Variants in TRIM16 observed in about 807,000 individuals in gnomAD.
TRIM16 encodes the protein tripartite motif-containing protein 16.
TRIM16 carries 33 observed loss-of-function variants against 50.4 expected under a neutral mutation model. The observed-to-expected ratio is 0.65, with a 90% CI of 0.50 to 0.88. The LOEUF is 0.88. Among genes scored for constraint, TRIM16 ranks in the 40% least tolerant of loss-of-function variants. The pLI is 0.00. For missense variants in TRIM16, 581 were observed against 686.8 expected, an observed-to-expected ratio of 0.85 and a Z score of 1.72; for synonymous variants, 229 against 270.7, an observed-to-expected ratio of 0.85 and a Z score of 1.51.
chr17:15,669,361 T>A (rs2654382), intron 6 of TRIM16, among the ~76,000 whole-genome samples: 12 of 152,030 alleles, frequency 7.9e-5, no homozygotes, highest in African/African-American at 2.9e-4. Flanking sequence ...TGCATCCATT[T>A]AAAAAAATGA....
chr17:15,645,549 G>A (rs1987327456), intron 7 of TRIM16, among the ~76,000 whole-genome samples: 3 of 151,318 alleles, frequency 2.0e-5, no homozygotes, highest in Admixed American at 2.0e-4. Context: ...ACTTCCACAA[G>A]GGCAATATAC....
Position 15,651,142 on chromosome 17 carries a change from C to T in TRIM16, c.468G>A (p.Glu156=), listed in dbSNP as rs61741220. The change falls in exon 7 of 12, where the codon GAG becomes GAA. Residue 156 remains glutamate, a synonymous_variant. Transcript: ENST00000649191. ...QQCICQDCCQ[E]HSGHTIVSLD... ...GGGAGACTATGGTGTGGCCACTGTG[C>T]TCCTGGCAACAGTCCTGGCAGATGC... 9,965 of 1,614,102 alleles carry T rather than the reference C, an allele frequency of 6.2e-3. 55 individuals are homozygous for T. Among genetic ancestry groups the T allele is most frequent in the Middle Eastern group, 0.03 (181 of 6,044 alleles).
Position 15,635,076 on chromosome 17 carries a change from T to C in TRIM16, c.849+960A>G, listed in dbSNP as rs1986663978. Among the ~76,000 whole-genome samples, 2 of 148,402 alleles carry C rather than the reference T, an allele frequency of 1.3e-5. 1 individual carries two copies. The highest frequency in any genetic ancestry group is 3.0e-5 in the Non-Finnish European group (2 of 66,992). ...ACTTGTGTAAGGATTATGGATTTTT[T>C]TTCTTCTTTTTTTGTACTTTCCAAG... On this transcript the variant is annotated intron_variant, in intron 9 of 11. Transcript: ENST00000649191.
intron 6 of TRIM16, among the ~76,000 whole-genome samples, chr17:15,657,003 C>T (rs547534244): frequency 1.3e-5 from 2 of 151,488 alleles, no homozygotes; most frequent in South Asian, 4.2e-4. Context: ...TGGGCTCATG[C>T]AATCCTCCCT....
chr17:15,633,451 T>C (rs560636822), intron 9 of TRIM16, among the ~76,000 whole-genome samples: 1 of 150,450 alleles, frequency 6.6e-6, no homozygotes, highest in South Asian at 2.1e-4. Context: ...GGATAAGTTA[T>C]TCGGATAAGT....
chr17:15,628,773 A>G lies in TRIM16; in HGVS notation c.1537T>C (p.Tyr513His). 1 of 1,614,054 alleles carries G rather than the reference A, an allele frequency of 6.2e-7. No individual in the cohort carries two copies. ...GGILSFYGVEYDTMTLVHKFA... is the reference protein window; with the variant it reads ...GGILSFYGVEHDTMTLVHKFA... Reference sequence around the variant, plus strand: ...TTGTGAACCAGAGTCATGGTATCATACTCTACGCCATAGAAGGAAAGGATC... The same window carrying G: ...TTGTGAACCAGAGTCATGGTATCATGCTCTACGCCATAGAAGGAAAGGATC... Residue 513 changes from tyrosine (Y) to histidine (H), a missense_variant, in exon 12 of 12, where the codon TAT (tyrosine) becomes CAT (histidine). Tyr to His is a moderately conservative substitution (Grantham distance 83, BLOSUM62 2). Coordinates refer to ENST00000649191, the MANE Select transcript of TRIM16 (RefSeq NM_001348119.1).
intron 10 of TRIM16, 67 bp downstream of exon 10, chr17:15,632,442 C>G: frequency 6.7e-7 from 1 of 1,487,238 alleles, no homozygotes; most frequent in Non-Finnish European, 9.0e-7. Flanking sequence ...CTGACTCTCT[C>G]TCACCTTCCT....
intron 6 of TRIM16, among the ~76,000 whole-genome samples, chr17:15,659,949 G>A (rs1178031730): frequency 6.6e-6 from 1 of 152,004 alleles, no homozygotes; most frequent in African/African-American, 2.4e-5. Context: ...AGCTCAGCAA[G>A]GCCAATGGCC....
intron 8 of TRIM16, among the ~76,000 whole-genome samples, chr17:15,639,498 C>T (rs1987019275): frequency 6.8e-6 from 1 of 147,892 alleles, no homozygotes; most frequent in African/African-American, 2.5e-5. Flanking sequence ...TTCTTCCAGC[C>T]CACACCAAGA....
rs919400493 is a variant in TRIM16, at chr17:15,680,916, C to A, written c.-641G>T. The A allele has an allele frequency of 2.6e-6, 4 of 1,546,084 alleles. No homozygotes were observed. The South Asian group carries it at 3.6e-5, about 14-fold the overall frequency. ...CAGCCATATTTTCCTTCTTAAGATA[C>A]CCCTTTTGGGAAAGGGCAGGGTCCT... On this transcript the variant is annotated 5_prime_UTR_variant, in exon 4 of 12. Coordinates refer to ENST00000649191, the MANE Select transcript of TRIM16 (RefSeq NM_001348119.1).
chr17:15,637,127 G>T (rs2150903584), intron 8 of TRIM16, among the ~76,000 whole-genome samples: 1 of 105,278 alleles, frequency 9.5e-6, no homozygotes, highest in African/African-American at 4.6e-5. Flanking sequence ...GGGGGGGGGG[G>T]TCAGCCCCCC....
intron 7 of TRIM16, among the ~76,000 whole-genome samples, chr17:15,644,479 C>T (rs921839506): frequency 7.9e-5 from 12 of 152,166 alleles, no homozygotes; most frequent in Admixed American, 1.3e-4. Context: ...TGTGAACCAC[C>T]GCGCCTGATG....
Position 15,651,631 on chromosome 17 carries a change from C to T in TRIM16, c.-22G>A, listed in dbSNP as rs1555555724. 12 of 1,607,844 alleles carry T rather than the reference C, an allele frequency of 7.5e-6. No homozygotes were observed. The highest frequency in any genetic ancestry group is 1.0e-5 in the Non-Finnish European group (12 of 1,177,284). ...CCATCTGGGAGGCTCTGCTCCTAGG[C>T]TGTCTTTCTTCTGTCCCTTGGCCCA... On this transcript the variant is annotated 5_prime_UTR_variant, in exon 7 of 12. Transcript: ENST00000649191.
chr17:15,651,759 C>G lies in TRIM16; in HGVS notation c.-150G>C. The stretch of plus-strand genomic sequence containing the variant: ...CCCTCCCAGAGGAAGCTCGGCCACT[C>G]ATTACTGTGTGCTGGCGCTGGATGG... On this transcript the variant is annotated 5_prime_UTR_variant, in exon 7 of 12. It removes an upstream start codon present in the reference 5' UTR. Transcript: ENST00000649191. 1 of 1,503,794 alleles carries G rather than the reference C, an allele frequency of 6.6e-7. No homozygotes were observed. The highest frequency in any genetic ancestry group is 8.8e-7 in the Non-Finnish European group (1 of 1,131,684). The allele number at this position is 1,503,794 out of a possible 1,614,324, so 93.2% of individuals were successfully genotyped here.
At position 15,629,859 on chromosome 17, in the gene TRIM16, G is replaced by A. The variant is rs568579623; in HGVS notation, c.1112-661C>T. Among the ~76,000 whole-genome samples the A allele has an allele frequency of 7.9e-5, 12 of 151,894 alleles. No homozygotes were observed. In the East Asian group the frequency reaches 1.7e-3, roughly 22 times the overall value. ...CTCTCCAGCCCCCTGCTTTACCCCC[G>A]ACCTAAGCCACCACTCATCTCACTC... On this transcript the variant is annotated intron_variant, in intron 11 of 11. Transcript: ENST00000649191.
intron 7 of TRIM16, among the ~76,000 whole-genome samples, chr17:15,649,979 G>A (rs537887446): frequency 6.6e-6 from 1 of 152,228 alleles, no homozygotes; most frequent in Admixed American, 6.5e-5. Flanking sequence ...CCCTACCCTG[G>A]GAACACTGGA....
At chr17:15,634,695 C>G (rs1455995966) in intron 9 of TRIM16, among the ~76,000 whole-genome samples, 4 of 146,726 alleles carry the variant, frequency 2.7e-5, no homozygotes, top group Non-Finnish European at 6.0e-5. Flanking sequence ...GCCTGTAATC[C>G]CAGCTACTCG....
intron 7 of TRIM16, among the ~76,000 whole-genome samples, chr17:15,645,813 A>AG: frequency 6.6e-6 from 1 of 152,258 alleles, no homozygotes; most frequent in South Asian, 2.1e-4. Flanking sequence ...AGTGGAGCTG[A>AG]GGGGGCCCCA....
rs982100898 is a variant in TRIM16, at chr17:15,642,574, C to G, written c.615+147G>C. On this transcript the variant is annotated intron_variant, in intron 8 of 11. Transcript: ENST00000649191. ...CTAATTTCATAACAAATCCTGACATCAAGGTGAGGCTACCGCATGGTGTAG... is the reference window on the plus strand; with the variant it reads ...CTAATTTCATAACAAATCCTGACATGAAGGTGAGGCTACCGCATGGTGTAG... 3 of 1,168,278 alleles carry G rather than the reference C, an allele frequency of 2.6e-6. No homozygotes were observed. In the African/African-American group the frequency reaches 4.6e-5, roughly 18 times the overall value. The allele number at this position is 1,168,278 out of a possible 1,614,324, so 72.4% of individuals were successfully genotyped here.
Sources: gnomAD v4.1 joint callset for allele counts (sites outside exome capture counted in the v4.1 genomes callset) on GRCh38, gnomAD v4.1.1 for gene constraint, MANE v1.5 for transcripts, NCBI Gene and HGNC (gene_info 2026-07-23, HGNC 2026-07-21) for gene names.